RBMS3: variants seen among roughly 807,000 people sequenced by gnomAD.
RBMS3 encodes the protein RNA-binding motif, single-stranded-interacting protein 3.
In RBMS3, 27 loss-of-function variants were observed where a neutral mutation model predicts 66.8. The observed-to-expected ratio is 0.40, with a 90% CI of 0.30 to 0.56. RBMS3 has a LOEUF of 0.56. Among genes scored for constraint, RBMS3 ranks in the 20% least tolerant of loss-of-function variants. RBMS3 has a pLI of 0.40. For missense variants in RBMS3, 513 were observed against 549.5 expected, an observed-to-expected ratio of 0.93 and a Z score of 0.66; for synonymous variants, 188 against 183.0, an observed-to-expected ratio of 1.03 and a Z score of -0.22.
At chr3:29,291,185 CT>C (rs1431681533) in intron 1 of RBMS3, among the ~76,000 whole-genome samples, 4 of 151,834 alleles carry the variant, frequency 2.6e-5, no homozygotes, top group African/African-American at 9.7e-5. Flanking sequence ...TGCAGTTTTT[CT>C]TTTCAGAGTT....
At chr3:29,754,974 G>T (rs1287255151) in intron 5 of RBMS3, among the ~76,000 whole-genome samples, 1 of 152,094 alleles carries the variant, frequency 6.6e-6, no homozygotes, top group East Asian at 1.9e-4. Flanking sequence ...CTCTGGGCCT[G>T]ATAAATGTTG....
In RBMS3 at chr3:30,007,501, T is replaced by C. The variant is rs1161077579; in HGVS notation, c.*3639T>C. 6.6e-6 allele frequency: 1 copy of C among 152,086 alleles called. No homozygotes were observed. The highest frequency in any genetic ancestry group is 1.5e-5 in the Non-Finnish European group (1 of 67,970). 9.4% of individuals were successfully genotyped at this position (152,086 alleles called of 1,614,324 possible). On this transcript the variant is annotated 3_prime_UTR_variant, in exon 15 of 15. Coordinates refer to ENST00000383767, the MANE Select transcript of RBMS3 (RefSeq NM_001003793.3). The stretch of plus-strand genomic sequence containing the variant: ...GAGAAACACTGTCTCGTCTAAACTC[T>C]AGTTTCATGGTCAGTGCAACAGTGA...
intron 10 of RBMS3, among the ~76,000 whole-genome samples, chr3:29,914,096 A>T (rs1403233084): frequency 1.3e-5 from 2 of 151,974 alleles, no homozygotes; most frequent in Non-Finnish European, 2.9e-5. Context: ...CATATAATAC[A>T]AATGTGTGTT....
At chr3:29,665,923 A>G (rs969632205) in intron 4 of RBMS3, among the ~76,000 whole-genome samples, 3 of 152,198 alleles carry the variant, frequency 2.0e-5, no homozygotes, top group African/African-American at 7.2e-5. Context: ...ATTCCTTACA[A>G]TGACTCCTCA....
chr3:29,578,857 A>G (rs2047223310), intron 3 of RBMS3, among the ~76,000 whole-genome samples: 2 of 120,490 alleles, frequency 1.7e-5, no homozygotes, highest in African/African-American at 7.0e-5. Flanking sequence ...TGCGGACTGC[A>G]GTGGCGCAAT....
At chr3:29,700,467 T>C (rs967569365) in intron 4 of RBMS3, among the ~76,000 whole-genome samples, 1 of 152,162 alleles carries the variant, frequency 6.6e-6, no homozygotes, top group African/African-American at 2.4e-5. Flanking sequence ...GAGCTCATGT[T>C]CCCAAAGTAA....
chr3:29,678,815 A>G (rs1424101216), intron 4 of RBMS3, among the ~76,000 whole-genome samples: 1 of 152,120 alleles, frequency 6.6e-6, no homozygotes, highest in Non-Finnish European at 1.5e-5. Context: ...GATTCAACAT[A>G]TGGAGTCCAG....
chr3:29,982,509 G>T (rs565740036), intron 12 of RBMS3, among the ~76,000 whole-genome samples: 1 of 152,048 alleles, frequency 6.6e-6, no homozygotes, highest in Non-Finnish European at 1.5e-5. Flanking sequence ...TGTGACGTTA[G>T]GGTGTCGATT....
chr3:29,868,718 C>T lies in RBMS3; in HGVS notation c.638-140C>T, dbSNP rs903451249. 16 of 731,052 alleles carry T rather than the reference C, an allele frequency of 2.2e-5. No individual in the cohort carries two copies. The African/African-American group carries it at 2.7e-4, about 12-fold the overall frequency. 45.3% of individuals were successfully genotyped at this position (731,052 alleles called of 1,614,324 possible). On this transcript the variant is annotated intron_variant, in intron 6 of 14. Coordinates refer to ENST00000383767, the MANE Select transcript of RBMS3 (RefSeq NM_001003793.3). ...AGAACAGCGGCCAACAGAGCTGAGA[C>T]TAAAAGGGGGCCAAATATCTCTTCA...
intron 10 of RBMS3, among the ~76,000 whole-genome samples, chr3:29,921,457 A>G (rs2060776744): frequency 7.0e-6 from 1 of 142,154 alleles, no homozygotes; most frequent in Non-Finnish European, 1.5e-5. Context: ...CCATTGCCAT[A>G]CAAATTCTAA....
intron 11 of RBMS3, among the ~76,000 whole-genome samples, chr3:29,940,057 C>T (rs1393438783): frequency 1.3e-5 from 2 of 151,826 alleles, no homozygotes; most frequent in African/African-American, 4.8e-5. Flanking sequence ...AATCAAGACC[C>T]TTTCCTTCTC....
At chr3:29,393,473 A>G (rs2039402427) in intron 1 of RBMS3, among the ~76,000 whole-genome samples, 1 of 152,194 alleles carries the variant, frequency 6.6e-6, no homozygotes, top group Non-Finnish European at 1.5e-5. Flanking sequence ...TCAATGGAAA[A>G]TCATCAGAAG....
At chr3:29,686,549 A>G (rs7623195) in intron 4 of RBMS3, among the ~76,000 whole-genome samples, 88,517 of 151,960 alleles carry the variant, frequency 0.58, 25,940 homozygotes, top group African/African-American at 0.64. Context: ...GCCAGATGTG[A>G]TTGCATGCCC....
intron 4 of RBMS3, among the ~76,000 whole-genome samples, chr3:29,725,011 A>G (rs1030710822): frequency 2.0e-5 from 3 of 152,168 alleles, no homozygotes; most frequent in Non-Finnish European, 4.4e-5. Flanking sequence ...TGAATGATCA[A>G]GAGCAAATAT....
chr3:29,384,711 A>T (rs1275539330), intron 1 of RBMS3, among the ~76,000 whole-genome samples: 1 of 152,230 alleles, frequency 6.6e-6, no homozygotes, highest in East Asian at 1.9e-4. Context: ...GAGAAGAGAC[A>T]TGACTGTTTC....
At chr3:29,491,801 G>C (rs55791629) in intron 3 of RBMS3, among the ~76,000 whole-genome samples, 5,158 of 152,256 alleles carry the variant, frequency 0.034, 112 homozygotes, top group Middle Eastern at 0.051. Flanking sequence ...AGACCATCCT[G>C]GCTAAAACCG....
At chr3:29,979,184 A>G (rs1479034339) in intron 12 of RBMS3, among the ~76,000 whole-genome samples, 1 of 144,502 alleles carries the variant, frequency 6.9e-6, no homozygotes, top group East Asian at 1.9e-4. Flanking sequence ...AACAACAACA[A>G]TGACAAAACT....
intron 4 of RBMS3, among the ~76,000 whole-genome samples, chr3:29,671,079 T>C (rs1424785067): frequency 3.3e-5 from 5 of 152,134 alleles, no homozygotes; most frequent in Admixed American, 6.5e-5. Context: ...GACAGCAACA[T>C]TTGCTGTTCT....
chr3:29,532,187 A>C (rs1316381093), intron 3 of RBMS3, among the ~76,000 whole-genome samples: 1 of 149,192 alleles, frequency 6.7e-6, no homozygotes, highest in African/African-American at 2.5e-5. Flanking sequence ...AGACAGAAAG[A>C]TCATTCCTGA....
Sources: gnomAD v4.1 joint callset for allele counts (sites outside exome capture counted in the v4.1 genomes callset) on GRCh38, gnomAD v4.1.1 for gene constraint, MANE v1.5 for transcripts, NCBI Gene and HGNC (gene_info 2026-07-23, HGNC 2026-07-21) for gene names.